The following CC2D1B variants were observed in gnomAD, a reference collection of about 807,000 sequenced individuals.
CC2D1B encodes the protein coiled-coil and C2 domain containing 1B, also known as coiled-coil and C2 domain-containing protein 1B.
CC2D1B carries 92 observed loss-of-function variants against 110.8 expected under a neutral mutation model. That is an observed-to-expected ratio of 0.83 (90% CI 0.70 to 0.99). CC2D1B has a LOEUF of 0.99. CC2D1B is among the 50% of genes least tolerant of loss of function. CC2D1B has a pLI of 0.00. For missense variants in CC2D1B, 1,136 were observed against 1,089.0 expected, an observed-to-expected ratio of 1.04 and a Z score of -0.61; for synonymous variants, 406 against 429.2, an observed-to-expected ratio of 0.95 and a Z score of 0.67.
At position 52,361,572 on chromosome 1, in the gene CC2D1B, TAC is replaced by T; in HGVS notation, c.257_258del (p.Cys86TyrfsTer34). 2 of 1,613,850 alleles carry T rather than the reference TAC, an allele frequency of 1.2e-6. No homozygotes were observed. The highest frequency in any genetic ancestry group is 1.7e-6 in the Non-Finnish European group (2 of 1,179,986). The part of the protein sequence containing the change: ...MAHIEKLAAD[C>X]MRDVEEEEEE... ...TCCTCCTCCTCCTCCACATCCCGCA[TAC>T]AGTCTGCCGCCAACTTCTCGATGTG... is the stretch of plus-strand genomic sequence containing the variant. On this transcript the variant is annotated frameshift_variant, in exon 4 of 25. Transcript: ENST00000284376. LOFTEE classifies it high-confidence loss of function.
chr1:52,361,390 G>T, intron 4 of CC2D1B, 123 bp downstream of exon 4: 2 of 1,521,116 alleles, frequency 1.3e-6, no homozygotes, highest in East Asian at 4.5e-5. Flanking sequence ...ACAGCCAGGA[G>T]GGGCAAGCAC....
chr1:52,362,537 C>T, intron 3 of CC2D1B, 65 bp downstream of exon 3: 1 of 1,589,048 alleles, frequency 6.3e-7, no homozygotes, highest in Non-Finnish European at 8.6e-7. Context: ...GCAAGGGAAC[C>T]CCTCTACCAC....
intron 16 of CC2D1B, 149 bp downstream of exon 16, chr1:52,356,852 G>C: frequency 2.3e-6 from 2 of 882,248 alleles, no homozygotes; most frequent in Non-Finnish European, 3.4e-6. Context: ...ATGTAGTTCA[G>C]AGAAGAAAGT....
At position 52,354,619 on chromosome 1, in the gene CC2D1B, C is replaced by T; in HGVS notation, c.2419G>A (p.Glu807Lys). The change falls in exon 23 of 25, where the codon GAA becomes AAA. Residue 807 changes from glutamate (E) to lysine (K), a missense_variant. Coordinates refer to ENST00000284376, the MANE Select transcript of CC2D1B (RefSeq NM_001330585.2). ...ERLENECEIR[E>K]IVEVLDGRKP... Reference sequence around the variant, plus strand: ...ACCCCAGCCCCTACCTCCACAATTTCTCTGATCTCACACTCATTCTCCAGC... The same window carrying T: ...ACCCCAGCCCCTACCTCCACAATTTTTCTGATCTCACACTCATTCTCCAGC... 6.2e-7 allele frequency: 1 copy of T among 1,614,230 alleles called. No homozygotes were observed.
chr1:52,353,875 C>T, intron 23 of CC2D1B: 1 of 455,080 alleles, frequency 2.2e-6, no homozygotes, highest in East Asian at 3.9e-5. Context: ...GACAAGCATC[C>T]TAGAGCTCTG....
Position 52,355,826 on chromosome 1 carries a change from G to C in CC2D1B, c.2073C>G (p.Asn691Lys). 1 of 1,614,156 alleles carries C rather than the reference G, an allele frequency of 6.2e-7. No homozygotes were observed. Among genetic ancestry groups the C allele is most frequent in the African/African-American group, 1.3e-5 (1 of 75,044 alleles). Residue 691 changes from asparagine to lysine, a missense_variant, in exon 19 of 25, where the codon AAC becomes AAG. Transcript: ENST00000284376. ...CAATGATCAGATGCATTTCTGTGCT[G>C]TTGAGTTCTGAGAAGATCCTAGAGC... ...FQTVRIFSEL[N>K]STEMHLIIVR...
Position 52,360,471 on chromosome 1 carries a change from C to T in CC2D1B, c.556G>A (p.Glu186Lys), listed in dbSNP as rs771315032. 7.4e-6 allele frequency: 12 copies of T among 1,613,956 alleles called. No individual in the cohort carries two copies. The African/African-American group carries it at 1.3e-4, about 18-fold the overall frequency. ...CTGGCTTTGGCTGCTTCGCCTGCCT[C>T]CTTGGCACTGGCCGCAGCCTCTCGG... is the stretch of plus-strand genomic sequence containing the variant. ...NYREAAASAK[E>K]AGEAAKARRC... is the part of the protein sequence containing the mutation. Residue 186 changes from glutamate to lysine, a missense_variant, in exon 6 of 25, where the codon GAG (glutamate) becomes AAG (lysine). Coordinates refer to ENST00000284376, the MANE Select transcript of CC2D1B (RefSeq NM_001330585.2).
chr1:52,358,076 A>G (rs946216333), intron 13 of CC2D1B, 178 bp from the exon 14 acceptor site: 8 of 994,654 alleles, frequency 8.0e-6, no homozygotes, highest in Non-Finnish European at 1.0e-5. Context: ...AGAAGCTCTC[A>G]CATCTAACCT....
rs755560623 is a variant in CC2D1B, at chr1:52,357,819, G to T, written c.1541C>A (p.Pro514His). The T allele has an allele frequency of 6.3e-7, 1 of 1,592,486 alleles. No homozygotes were observed. The highest frequency in any genetic ancestry group is 1.3e-5 in the African/African-American group (1 of 74,296). Reference sequence around the variant, plus strand: ...TGACTCCTTAGAACTTGAGGCCCTGGGCTCAGGCAGGCGCTGGGATGAAGG... The same window carrying T: ...TGACTCCTTAGAACTTGAGGCCCTGTGCTCAGGCAGGCGCTGGGATGAAGG... Reference protein sequence around the residue: ...TVPSSQRLPEPRASSSKESPS... With the variant: ...TVPSSQRLPEHRASSSKESPS... The change falls in exon 14 of 25, where the codon CCC (proline) becomes CAC (histidine). Residue 514 changes from proline (P) to histidine (H), a missense_variant. Transcript: ENST00000284376.
In CC2D1B at chr1:52,357,648, C is replaced by G. The variant is rs895886193; in HGVS notation, c.1630G>C (p.Ala544Pro). 6.3e-7 allele frequency: 1 copy of G among 1,597,806 alleles called. No individual in the cohort carries two copies. Among genetic ancestry groups the G allele is most frequent in the Non-Finnish European group, 8.5e-7 (1 of 1,171,926 alleles). Residue 544 changes from alanine to proline, a missense_variant, in exon 15 of 25, where the codon GCA becomes CCA. By Grantham distance (27) the Ala-to-Pro change is conservative. Coordinates refer to ENST00000284376, the MANE Select transcript of CC2D1B (RefSeq NM_001330585.2). ...TGGCTGCGCTTGGCCTGCAGGGCTGCCCGCTGATACTGCAGTTTCCGTGCC... is the reference window on the plus strand; with the variant it reads ...TGGCTGCGCTTGGCCTGCAGGGCTGGCCGCTGATACTGCAGTTTCCGTGCC... ...LEARKLQYQRAALQAKRSQDL... is the reference protein window; with the variant it reads ...LEARKLQYQRPALQAKRSQDL...
In CC2D1B at chr1:52,361,131, G is replaced by A. The variant is rs140457418; in HGVS notation, c.320C>T (p.Thr107Met). The A allele has an allele frequency of 3.3e-5, 53 of 1,613,948 alleles. No homozygotes were observed. The highest frequency in any genetic ancestry group is 3.2e-4 in the African/African-American group (24 of 74,986). ...CACACCTAAGACCTCCTGCAGCTCC[G>A]TCTAGGGAGACAAAACACAGCCCAG... Reference protein sequence around the residue: ...EGLEEDAELLTELQEVLGVDE... With the variant: ...EGLEEDAELLMELQEVLGVDE... The change falls in exon 5 of 25, where the codon ACG (threonine) becomes ATG (methionine). Residue 107 changes from threonine to methionine, a missense_variant and splice_region_variant. Transcript: ENST00000284376.
rs567841906 is a variant in CC2D1B, at chr1:52,355,823, G to A, written c.2076C>T (p.Ser692=). The change falls in exon 19 of 25, where the codon AGC becomes AGT. Residue 692 remains serine, a synonymous_variant. Coordinates refer to ENST00000284376, the MANE Select transcript of CC2D1B (RefSeq NM_001330585.2). ...QTVRIFSELN[S]TEMHLIIVRG... Reference sequence around the variant, plus strand: ...GGACAATGATCAGATGCATTTCTGTGCTGTTGAGTTCTGAGAAGATCCTAG... The same window carrying A: ...GGACAATGATCAGATGCATTTCTGTACTGTTGAGTTCTGAGAAGATCCTAG... 4.0e-4 allele frequency: 646 copies of A among 1,614,124 alleles called. 6 individuals carry two copies. The South Asian group carries it at 6.7e-3, about 17-fold the overall frequency.
Position 52,350,651 on chromosome 1 carries a change from T to C in CC2D1B, c.*2574A>G, listed in dbSNP as rs1160325692. 9 of 152,208 alleles carry C rather than the reference T, an allele frequency of 5.9e-5. No homozygotes were observed. Among genetic ancestry groups the C allele is most frequent in the Admixed American group, 5.9e-4 (9 of 15,290 alleles). 9.4% of individuals were successfully genotyped at this position (152,208 alleles called of 1,614,324 possible). A position where few individuals can be genotyped will look rare whatever the true frequency, so the allele number is the denominator to read the frequency against. On this transcript the variant is annotated 3_prime_UTR_variant, in exon 25 of 25. Coordinates refer to ENST00000284376, the MANE Select transcript of CC2D1B (RefSeq NM_001330585.2). ...TTGCTAATTCAGAAGAAAGTGTGCA[T>C]TGCATGAGATCAAAGAATTGAAAAT...
At chr1:52,362,334 C>A (rs1388006293) in intron 3 of CC2D1B, among the ~76,000 whole-genome samples, 2 of 152,220 alleles carry the variant, frequency 1.3e-5, no homozygotes, top group African/African-American at 4.8e-5. Flanking sequence ...TGGGCCCCTA[C>A]CCTACACCAA....
Position 52,355,642 on chromosome 1 carries a change from G to C in CC2D1B, c.2153C>G (p.Ala718Gly), listed in dbSNP as rs780452085. The change falls in exon 20 of 25, where the codon GCT (alanine) becomes GGT (glycine). Residue 718 changes from alanine (A) to glycine (G), a missense_variant. Physicochemically the swap from Ala to Gly is moderately conservative, Grantham distance 60. Coordinates refer to ENST00000284376, the MANE Select transcript of CC2D1B (RefSeq NM_001330585.2). Reference protein sequence around the residue: ...PPGVTPDDLDAFVRFEFHYPN... With the variant: ...PPGVTPDDLDGFVRFEFHYPN... ...GTAGTGAAACTCAAACCGCACAAAA[G>C]CATCCAGGTCATCGGGAGTCACCCC... 5.0e-6 allele frequency: 8 copies of C among 1,614,194 alleles called. No individual in the cohort carries two copies. Among genetic ancestry groups the C allele is most frequent in the Non-Finnish European group, 6.8e-6 (8 of 1,180,034 alleles).
At chr1:52,360,587 G>A in intron 5 of CC2D1B, 38 bp from the exon 6 acceptor site, 1 of 1,596,704 alleles carries the variant, frequency 6.3e-7, no homozygotes, top group Non-Finnish European at 8.5e-7. Flanking sequence ...CCACTCCAGG[G>A]CCTGCTAGGC....
chr1:52,354,442 T>C lies in CC2D1B; in HGVS notation c.2430+166A>G, dbSNP rs1040719444. ...CCTCTGTGAGATTTCTCAGACCTTC[T>C]GAACCTCTCCATCTGTGAAATGAGG... On this transcript the variant is annotated intron_variant, in intron 23 of 24. Transcript: ENST00000284376. 8 of 734,826 alleles carry C rather than the reference T, an allele frequency of 1.1e-5. No individual in the cohort carries two copies. In the Admixed American group the frequency reaches 1.4e-4, roughly 13 times the overall value. 45.5% of individuals were successfully genotyped at this position (734,826 alleles called of 1,614,324 possible).
chr1:52,355,552 A>G lies in CC2D1B; in HGVS notation c.2187+56T>C, dbSNP rs1264926191. On this transcript the variant is annotated intron_variant, in intron 20 of 24. Transcript: ENST00000284376. Reference sequence around the variant, plus strand: ...CCAGGGATGGGAAGAAAGTGAGCACAGGGTCCTGGAATGCAAGGCGGGTTT... The same window carrying G: ...CCAGGGATGGGAAGAAAGTGAGCACGGGGTCCTGGAATGCAAGGCGGGTTT... The G allele has an allele frequency of 1.2e-5, 20 of 1,609,442 alleles. 1 individual carries two copies. In the South Asian group the frequency reaches 2.1e-4, roughly 17 times the overall value.
At position 52,352,528 on chromosome 1, in the gene CC2D1B, T is replaced by C. The variant is rs1034604419; in HGVS notation, c.*697A>G. 2 of 152,616 alleles carry C rather than the reference T, an allele frequency of 1.3e-5. No homozygotes were observed. Among genetic ancestry groups the C allele is most frequent in the African/African-American group, 4.8e-5 (2 of 41,432 alleles). 9.5% of individuals were successfully genotyped at this position (152,616 alleles called of 1,614,324 possible). A position where few individuals can be genotyped will look rare whatever the true frequency, so the allele number is the denominator to read the frequency against. On this transcript the variant is annotated 3_prime_UTR_variant, in exon 25 of 25. Transcript: ENST00000284376. ...ACTTAGTTTCCTAGATAAATAAACG[T>C]GTCTACATAAAATTTTATATATATA...
Sources: allele counts gnomAD v4.1 joint callset (sites outside exome capture counted in the v4.1 genomes callset), GRCh38; gene constraint gnomAD v4.1.1; transcripts MANE v1.5; gene names NCBI Gene and HGNC (gene_info 2026-07-23, HGNC 2026-07-21).